Variants in ID1 observed in about 807,000 individuals in gnomAD.
The protein encoded by ID1 is inhibitor of DNA binding 1, also known as DNA-binding protein inhibitor ID-1.
A neutral mutation model predicts 11.3 loss-of-function variants in ID1; 8 were observed. The observed-to-expected ratio is 0.71, with a 90% confidence interval of 0.42 to 1.28. The LOEUF is 1.28. Among genes scored for constraint, ID1 ranks in the 50% most tolerant of loss-of-function variants. The pLI is 0.01. For synonymous variants in ID1, 176 were observed against 100.2 expected (o/e 1.76, Z -4.52); for missense variants, 347 against 219.8 (o/e 1.58, Z -3.66).
rs778630924 is a variant in ID1, at chr20:31,605,823, A to C, written c.426+10A>C. 1.2e-6 allele frequency: 2 copies of C among 1,610,758 alleles called. No homozygotes were observed. Among genetic ancestry groups the C allele is most frequent in the Non-Finnish European group, 1.7e-6 (2 of 1,178,634 alleles). ...CGCCCTGACGGCCGAGGTGAGATCC[A>C]GATCCGACCACTAGATCATCCTTAT... On this transcript the variant is annotated intron_variant, in intron 1 of 1. Coordinates refer to ENST00000376112, the MANE Select transcript of ID1 (RefSeq NM_002165.4).
Position 31,605,528 on chromosome 20 carries a change from G to C in ID1, c.141G>C (p.Gly47=). ...GCGTGGCCATCTCGCGCTGCGCCGG[G>C]GGCGCCGGGGCGCGCCTGCCTGCCC... ...EQSVAISRCA[G]GAGARLPALL... Residue 47 remains glycine (G), a synonymous_variant, in exon 1 of 2, where the codon GGG becomes GGC. Transcript: ENST00000376112. 1.3e-6 allele frequency: 2 copies of C among 1,559,394 alleles called. No individual in the cohort carries two copies. Among genetic ancestry groups the C allele is most frequent in the Middle Eastern group, 1.7e-4 (1 of 5,974 alleles).
rs558662822 is a variant in ID1 at position 31,605,426 on chromosome 20, G to C, written c.39G>C (p.Ala13=). 6.2e-7 allele frequency: 1 copy of C among 1,606,100 alleles called. No individual in the cohort carries two copies. Residue 13 remains alanine, a synonymous_variant, in exon 1 of 2, where the codon GCG becomes GCC. Coordinates refer to ENST00000376112, the MANE Select transcript of ID1 (RefSeq NM_002165.4). ...GTGGCAGCACCGCCACCGCCGCCGC[G>C]GGCCCCAGCTGCGCGCTGAAGGCCG... ...VASGSTATAA[A]GPSCALKAGK...
At chr20:31,605,857 G>A (rs575338321) in intron 1 of ID1, 44 bp downstream of exon 1, 1 of 1,597,674 alleles carries the variant, frequency 6.3e-7, no homozygotes, top group Admixed American at 1.7e-5. Context: ...ATACCGACGG[G>A]GAAACGGAGG....
At position 31,606,098 on chromosome 20, in the gene ID1, G is replaced by T. The variant is rs1252489819; in HGVS notation, c.*4G>T. 3.7e-6 allele frequency: 6 copies of T among 1,608,326 alleles called. No individual in the cohort carries two copies. The highest frequency in any genetic ancestry group is 4.2e-6 in the Non-Finnish European group (5 of 1,179,874). On this transcript the variant is annotated 3_prime_UTR_variant, in exon 2 of 2. Coordinates refer to ENST00000376112, the MANE Select transcript of ID1 (RefSeq NM_002165.4). ...CGATCGCATCTTGTGTCGCTGAAGC[G>T]CCTCCCCCAGGGACCGGCGGACCCC...
chr20:31,605,496 G>C lies in ID1; in HGVS notation c.109G>C (p.Glu37Gln), dbSNP rs1233778341. ...GGGCGAGGTGGTGCGCTGTCTGTCT[G>C]AGCAGAGCGTGGCCATCTCGCGCTG... Reference protein sequence around the residue: ...GAGEVVRCLSEQSVAISRCAG... With the variant: ...GAGEVVRCLSQQSVAISRCAG... The change falls in exon 1 of 2, where the codon GAG becomes CAG. Residue 37 changes from glutamate (E) to glutamine (Q), a missense_variant. Coordinates refer to ENST00000376112, the MANE Select transcript of ID1 (RefSeq NM_002165.4). 1.2e-6 allele frequency: 2 copies of C among 1,601,854 alleles called. No individual in the cohort carries two copies. The highest frequency in any genetic ancestry group is 1.7e-6 in the Non-Finnish European group (2 of 1,173,478).
rs917719003 is a variant in ID1 at position 31,606,361 on chromosome 20, A to C, written c.*267A>C. The C allele has an allele frequency of 4.7e-5, 26 of 549,548 alleles. No homozygotes were observed. The highest frequency in any genetic ancestry group is 7.9e-5 in the Non-Finnish European group (24 of 302,274). 34.0% of individuals were successfully genotyped at this position (549,548 alleles called of 1,614,324 possible). A position where few individuals can be genotyped will look rare whatever the true frequency, so the allele number is the denominator to read the frequency against. On this transcript the variant is annotated 3_prime_UTR_variant, in exon 2 of 2. Transcript: ENST00000376112. ...TGTTTCTATTTTTTGAAAAGCAGACATTTTAAAAAATGGTCACGTTTGGTG... is the reference window on the plus strand; with the variant it reads ...TGTTTCTATTTTTTGAAAAGCAGACCTTTTAAAAAATGGTCACGTTTGGTG...
At position 31,605,495 on chromosome 20, in the gene ID1, T is replaced by C; in HGVS notation, c.108T>C (p.Ser36=). ...SGAGEVVRCL[S]EQSVAISRCA... is the part of the protein sequence containing the mutation. ...CGGGCGAGGTGGTGCGCTGTCTGTC[T>C]GAGCAGAGCGTGGCCATCTCGCGCT... Residue 36 remains serine, a synonymous_variant, in exon 1 of 2, where the codon TCT becomes TCC. Transcript: ENST00000376112. The C allele has an allele frequency of 6.2e-7, 1 of 1,602,142 alleles. No individual in the cohort carries two copies. The highest frequency in any genetic ancestry group is 8.5e-7 in the Non-Finnish European group (1 of 1,173,630).
Position 31,605,807 on chromosome 20 carries a change from G to A in ID1, c.420G>A (p.Thr140=), listed in dbSNP as rs750514785. 5 of 1,611,388 alleles carry A rather than the reference G, an allele frequency of 3.1e-6. No homozygotes were observed. The highest frequency in any genetic ancestry group is 1.7e-5 in the Admixed American group (1 of 59,682). ...STLNGEISAL[T]AEAACVPADD... ...TCAACGGCGAGATCAGCGCCCTGACGGCCGAGGTGAGATCCAGATCCGACC... is the reference window on the plus strand; with the variant it reads ...TCAACGGCGAGATCAGCGCCCTGACAGCCGAGGTGAGATCCAGATCCGACC... Residue 140 remains threonine (T), a synonymous_variant, in exon 1 of 2, where the codon ACG becomes ACA. Transcript: ENST00000376112.
chr20:31,605,827 C>G lies in ID1; in HGVS notation c.426+14C>G. The stretch of plus-strand genomic sequence containing the variant: ...CTGACGGCCGAGGTGAGATCCAGAT[C>G]CGACCACTAGATCATCCTTATACCG... On this transcript the variant is annotated intron_variant, in intron 1 of 1. Coordinates refer to ENST00000376112, the MANE Select transcript of ID1 (RefSeq NM_002165.4). 6.2e-7 allele frequency: 1 copy of G among 1,610,642 alleles called. No individual in the cohort carries two copies. Among genetic ancestry groups the G allele is most frequent in the Middle Eastern group, 1.7e-4 (1 of 6,054 alleles).
intron 1 of ID1, 103 bp from the exon 2 acceptor site, chr20:31,605,949 GA>G: frequency 1.3e-6 from 2 of 1,598,628 alleles, no homozygotes; most frequent in Non-Finnish European, 1.7e-6. Context: ...AAGGAGCCTG[GA>G]AAAAGCGCTC....
At chr20:31,606,007 G>T (rs373127064) in intron 1 of ID1, 46 bp from the exon 2 acceptor site, 2 of 1,609,250 alleles carry the variant, frequency 1.2e-6, no homozygotes, top group East Asian at 2.2e-5. Flanking sequence ...CGCTCGGAGC[G>T]GCGTCCCTTC....
chr20:31,605,841 A>T (rs1284544207), intron 1 of ID1, 28 bp downstream of exon 1: 1 of 1,599,888 alleles, frequency 6.3e-7, no homozygotes, highest in South Asian at 1.1e-5. Context: ...CCACTAGATC[A>T]TCCTTATACC....
In ID1 at chr20:31,605,416, C is replaced by T. The variant is rs1273560250; in HGVS notation, c.29C>T (p.Thr10Ile). Residue 10 changes from threonine to isoleucine, a missense_variant, in exon 1 of 2, where the codon ACC becomes ATC. By Grantham distance (89) the Thr-to-Ile change is moderately conservative (BLOSUM62 -1). Coordinates refer to ENST00000376112, the MANE Select transcript of ID1 (RefSeq NM_002165.4). ...AAAGTCGCCAGTGGCAGCACCGCCACCGCCGCCGCGGGCCCCAGCTGCGCG... is the reference window on the plus strand; with the variant it reads ...AAAGTCGCCAGTGGCAGCACCGCCATCGCCGCCGCGGGCCCCAGCTGCGCG... The part of the protein sequence containing the change: MKVASGSTA[T>I]AAAGPSCALK... The T allele has an allele frequency of 6.2e-7, 1 of 1,605,046 alleles. No homozygotes were observed. Among genetic ancestry groups the T allele is most frequent in the Non-Finnish European group, 8.5e-7 (1 of 1,178,012 alleles).
rs553893041 is a variant in ID1 at position 31,606,304 on chromosome 20, C to T, written c.*210C>T. The T allele has an allele frequency of 5.0e-6, 3 of 595,440 alleles. No individual in the cohort carries two copies. The highest frequency in any genetic ancestry group is 3.7e-5 in the African/African-American group (2 of 53,570). 36.9% of individuals were successfully genotyped at this position (595,440 alleles called of 1,614,324 possible). A position where few individuals can be genotyped will look rare whatever the true frequency, so the allele number is the denominator to read the frequency against. ...TCCTCTCTGCACACCTACTAGTCAC[C>T]AGAGACTTTAGGGGGTGGGATTCCA... is the stretch of plus-strand genomic sequence containing the variant. On this transcript the variant is annotated 3_prime_UTR_variant, in exon 2 of 2. Transcript: ENST00000376112.
In ID1 at chr20:31,605,335, C is replaced by T; in HGVS notation, c.-53C>T. Reference sequence around the variant, plus strand: ...CATTTTCCGTATCTGCTTCGGGCTTCCACCTCATTTTTTTCGCTTTGCCCA... The same window carrying T: ...CATTTTCCGTATCTGCTTCGGGCTTTCACCTCATTTTTTTCGCTTTGCCCA... On this transcript the variant is annotated 5_prime_UTR_variant, in exon 1 of 2. Coordinates refer to ENST00000376112, the MANE Select transcript of ID1 (RefSeq NM_002165.4). 4 of 1,512,900 alleles carry T rather than the reference C, an allele frequency of 2.6e-6. No homozygotes were observed. The highest frequency in any genetic ancestry group is 8.9e-7 in the Non-Finnish European group (1 of 1,120,184). 93.7% of individuals were successfully genotyped at this position (1,512,900 alleles called of 1,614,324 possible). A position where few individuals can be genotyped will look rare whatever the true frequency, so the allele number is the denominator to read the frequency against.
chr20:31,606,120 C>A lies in ID1; in HGVS notation c.*26C>A. Reference sequence around the variant, plus strand: ...AGCGCCTCCCCCAGGGACCGGCGGACCCCAGCCATCCAGGGGGCAAGAGGA... The same window carrying A: ...AGCGCCTCCCCCAGGGACCGGCGGAACCCAGCCATCCAGGGGGCAAGAGGA... On this transcript the variant is annotated 3_prime_UTR_variant, in exon 2 of 2. Transcript: ENST00000376112. 6.2e-7 allele frequency: 1 copy of A among 1,601,934 alleles called. No homozygotes were observed. Among genetic ancestry groups the A allele is most frequent in the Non-Finnish European group, 8.5e-7 (1 of 1,174,344 alleles).
At position 31,606,227 on chromosome 20, in the gene ID1, T is replaced by A; in HGVS notation, c.*133T>A. The stretch of plus-strand genomic sequence containing the variant: ...GACCGATCGGCGGCCACTGCGCCCT[T>A]AACTGCATCCAGCCTGGGGCTGAGG... On this transcript the variant is annotated 3_prime_UTR_variant, in exon 2 of 2. Transcript: ENST00000376112. 1 of 927,112 alleles carries A rather than the reference T, an allele frequency of 1.1e-6. No individual in the cohort carries two copies. The highest frequency in any genetic ancestry group is 1.7e-6 in the Non-Finnish European group (1 of 586,118). The allele number at this position is 927,112 out of a possible 1,614,324, so 57.4% of individuals were successfully genotyped here. A position where few individuals can be genotyped will look rare whatever the true frequency, so the allele number is the denominator to read the frequency against.
In ID1 at chr20:31,605,550, G is replaced by T. The variant is rs765090650; in HGVS notation, c.163G>T (p.Ala55Ser). 2.3e-5 allele frequency: 36 copies of T among 1,558,544 alleles called. No homozygotes were observed. In the South Asian group the frequency reaches 4.2e-4, roughly 18 times the overall value. ...CGGGGGCGCCGGGGCGCGCCTGCCT[G>T]CCCTGCTGGACGAGCAGCAGGTAAA... ...CAGGAGARLP[A>S]LLDEQQVNVL... The change falls in exon 1 of 2, where the codon GCC becomes TCC. Residue 55 changes from alanine (A) to serine (S), a missense_variant. Transcript: ENST00000376112.
At position 31,605,748 on chromosome 20, in the gene ID1, C is replaced by G; in HGVS notation, c.361C>G (p.Arg121Gly). Residue 121 changes from arginine to glycine, a missense_variant, in exon 1 of 2, where the codon CGA becomes GGA. Coordinates refer to ENST00000376112, the MANE Select transcript of ID1 (RefSeq NM_002165.4). ...ATCCGAAGTTGGAACCCCCGGGGGC[C>G]GAGGGCTGCCGGTCCGGGCTCCGCT... ...SESEVGTPGG[R>G]GLPVRAPLST... 6.2e-7 allele frequency: 1 copy of G among 1,609,856 alleles called. No individual in the cohort carries two copies. Among genetic ancestry groups the G allele is most frequent in the African/African-American group, 1.3e-5 (1 of 74,814 alleles).
Sources: gnomAD v4.1 joint callset for allele counts on GRCh38, gnomAD v4.1.1 for gene constraint, MANE v1.5 for transcripts, NCBI Gene and HGNC (gene_info 2026-07-23, HGNC 2026-07-21) for gene names.